VSTM2L: variants seen among roughly 807,000 people sequenced by gnomAD.
VSTM2L encodes the protein V-set and transmembrane domain containing 2 like.
Under a neutral mutation model 19.9 loss-of-function variants are expected in VSTM2L, and 9 were observed. The ratio of observed to expected loss-of-function variants is 0.45; its 90% CI spans 0.27 to 0.79. The LOEUF is 0.79. Among genes scored for constraint, VSTM2L ranks in the 30% least tolerant of loss-of-function variants. The pLI, the probability that VSTM2L is intolerant of heterozygous loss-of-function variation, is 0.15. For synonymous variants in VSTM2L, 127 were observed against 133.8 expected (o/e 0.95, Z 0.35); for missense variants, 286 against 295.5 (o/e 0.97, Z 0.24).
Position 37,944,149 on chromosome 20 carries a change from C to A in VSTM2L, c.511C>A (p.Leu171Met). ...GGTGCAGCCAGGGGAGAACTCCGTCCTGCATCTGCCCGAAGCCCCTCCCGC... is the reference window on the plus strand; with the variant it reads ...GGTGCAGCCAGGGGAGAACTCCGTCATGCATCTGCCCGAAGCCCCTCCCGC... ...LRVQPGENSV[L>M]HLPEAPPAAP... Residue 171 changes from leucine (L) to methionine (M), a missense_variant, in exon 4 of 4, where the codon CTG becomes ATG. Physicochemically the swap from Leu to Met is conservative, Grantham distance 15 (BLOSUM62 2). Coordinates refer to ENST00000373461, the MANE Select transcript of VSTM2L (RefSeq NM_080607.3). 1 of 1,600,134 alleles carries A rather than the reference C, an allele frequency of 6.2e-7. No homozygotes were observed.
At chr20:37,928,917 GAATTAA>G (rs1555840900) in intron 1 of VSTM2L, among the ~76,000 whole-genome samples, 9 of 152,174 alleles carry the variant, frequency 5.9e-5, no homozygotes, top group Non-Finnish European at 1.3e-4. Flanking sequence ...ATGTTTACAT[GAATTAA>G]AATTAAATAA....
intron 1 of VSTM2L, among the ~76,000 whole-genome samples, chr20:37,925,790 C>T (rs1048935302): frequency 5.9e-4 from 90 of 152,274 alleles, no homozygotes; most frequent in African/African-American, 2.0e-3. Flanking sequence ...GGTGGCCACA[C>T]CCACAGCTAA....
At chr20:37,922,553 T>G (rs1489640868) in intron 1 of VSTM2L, among the ~76,000 whole-genome samples, 1 of 152,064 alleles carries the variant, frequency 6.6e-6, no homozygotes, top group Non-Finnish European at 1.5e-5. Context: ...TTTTCCTGAA[T>G]AGAGCTGCCC....
intron 1 of VSTM2L, among the ~76,000 whole-genome samples, chr20:37,927,324 T>C (rs2072884291): frequency 1.3e-5 from 2 of 152,248 alleles, no homozygotes; most frequent in African/African-American, 4.8e-5. Flanking sequence ...TTAAATAAAA[T>C]ACATTATTAA....
chr20:37,921,838 CTTTTT>C (rs756122087), intron 1 of VSTM2L, among the ~76,000 whole-genome samples: 1 of 91,784 alleles, frequency 1.1e-5, no homozygotes, highest in African/African-American at 5.2e-5. Flanking sequence ...CTTTCTTTTC[CTTTTT>C]TTTTTTTTTT....
Position 37,903,294 on chromosome 20 carries a change from C to T in VSTM2L, c.-57C>T, listed in dbSNP as rs2072731602. 3.0e-6 allele frequency: 4 copies of T among 1,349,234 alleles called. No individual in the cohort carries two copies. The highest frequency in any genetic ancestry group is 3.8e-6 in the Non-Finnish European group (4 of 1,056,576). The allele number at this position is 1,349,234 out of a possible 1,614,324, so 83.6% of individuals were successfully genotyped here. On this transcript the variant is annotated 5_prime_UTR_variant, in exon 1 of 4. Coordinates refer to ENST00000373461, the MANE Select transcript of VSTM2L (RefSeq NM_080607.3). ...GGGCAGGGGACAGCTGGCGCCGGTT[C>T]TGCGGTCTCCGGGGCCCAGATGTGA...
intron 1 of VSTM2L, among the ~76,000 whole-genome samples, chr20:37,920,917 G>C (rs6021881): frequency 0.087 from 7,625 of 87,440 alleles, 228 homozygotes; most frequent in South Asian, 0.14. Flanking sequence ...TTGATTGATT[G>C]ATTCATTCAT....
rs868019892 is a variant in VSTM2L, at chr20:37,910,523, C to T, written c.121+7052C>T. ...CTGTCATGTGCCAGGCTCTTTTAGC[C>T]ACTGGGAACTTATCAGTGAAGAAGA... On this transcript the variant is annotated intron_variant, in intron 1 of 3. Coordinates refer to ENST00000373461, the MANE Select transcript of VSTM2L (RefSeq NM_080607.3). Among the ~76,000 whole-genome samples, 5 of 152,300 alleles carry T rather than the reference C, an allele frequency of 3.3e-5. No homozygotes were observed. In the Middle Eastern group the frequency reaches 0.014, roughly 414 times the overall value.
At chr20:37,912,524 G>C (rs567165947) in intron 1 of VSTM2L, among the ~76,000 whole-genome samples, 1 of 152,298 alleles carries the variant, frequency 6.6e-6, no homozygotes, top group Non-Finnish European at 1.5e-5. Flanking sequence ...GTGTCTGGGG[G>C]GTGACTGTGT....
At chr20:37,921,265 G>A (rs1427373656) in intron 1 of VSTM2L, among the ~76,000 whole-genome samples, 1 of 152,118 alleles carries the variant, frequency 6.6e-6, no homozygotes, top group Admixed American at 6.5e-5. Flanking sequence ...GTGTCCTTAG[G>A]GGGACACATG....
At position 37,906,316 on chromosome 20, in the gene VSTM2L, G is replaced by A. The variant is rs565793561; in HGVS notation, c.121+2845G>A. 2.6e-5 allele frequency among the ~76,000 whole-genome samples: 4 copies of A among 152,310 alleles called. No homozygotes were observed. The South Asian group carries it at 8.3e-4, about 32-fold the overall frequency. On this transcript the variant is annotated intron_variant, in intron 1 of 3. Coordinates refer to ENST00000373461, the MANE Select transcript of VSTM2L (RefSeq NM_080607.3). ...TTTTCGAGGTGTGAGGAATGAATGG[G>A]GAGCATGTATCTCAAGGAGGCATCA... is the stretch of plus-strand genomic sequence containing the variant.
At position 37,943,154 on chromosome 20, in the gene VSTM2L, G is replaced by A. The variant is rs543163344; in HGVS notation, c.343-827G>A. On this transcript the variant is annotated intron_variant, in intron 3 of 3. Coordinates refer to ENST00000373461, the MANE Select transcript of VSTM2L (RefSeq NM_080607.3). ...CCGGCTAGTTTTTGTATTTTTAGTA[G>A]AGATGGGGTTTCCCCATGTTGCCCA... Among the ~76,000 whole-genome samples, 6 of 152,200 alleles carry A rather than the reference G, an allele frequency of 3.9e-5. No homozygotes were observed. In the South Asian group the frequency reaches 1.0e-3, roughly 26 times the overall value.
chr20:37,932,638 T>C (rs1254325927), intron 2 of VSTM2L, among the ~76,000 whole-genome samples: 2 of 152,038 alleles, frequency 1.3e-5, no homozygotes, highest in East Asian at 3.9e-4. Flanking sequence ...ACCAACAACA[T>C]ACCCCCCATT....
chr20:37,923,665 A>G (rs2072864612), intron 1 of VSTM2L, among the ~76,000 whole-genome samples: 1 of 152,158 alleles, frequency 6.6e-6, no homozygotes, highest in Non-Finnish European at 1.5e-5. Context: ...GGGTAAGTCA[A>G]AGAGGAGAGA....
At chr20:37,927,350 C>T (rs561300339) in intron 1 of VSTM2L, among the ~76,000 whole-genome samples, 5 of 151,694 alleles carry the variant, frequency 3.3e-5, no homozygotes, top group South Asian at 2.1e-4. Context: ...ATTAATTTCA[C>T]GTGTTTTTTT....
chr20:37,945,085 C>T lies in VSTM2L; in HGVS notation c.*832C>T. ...TCCTGTGCCAAGTCCGCCCCAGGGC[C>T]TGGGGCTGTTGGGAGCCAAGGGCCC... On this transcript the variant is annotated 3_prime_UTR_variant, in exon 4 of 4. Transcript: ENST00000373461. The T allele has an allele frequency of 1.0e-6, 1 of 985,838 alleles. No homozygotes were observed. The highest frequency in any genetic ancestry group is 1.2e-6 in the Non-Finnish European group (1 of 829,934). The allele number at this position is 985,838 out of a possible 1,614,324, so 61.1% of individuals were successfully genotyped here.
chr20:37,910,642 G>T (rs778716075), intron 1 of VSTM2L, among the ~76,000 whole-genome samples: 1 of 152,004 alleles, frequency 6.6e-6, no homozygotes, highest in African/African-American at 2.4e-5. Context: ...AGCTGGGTGC[G>T]GTGGCTCACA....
intron 1 of VSTM2L, among the ~76,000 whole-genome samples, chr20:37,919,821 C>A (rs886940988): frequency 3.3e-5 from 5 of 150,496 alleles, no homozygotes; most frequent in Non-Finnish European, 7.3e-5. Flanking sequence ...AGGCTGAACT[C>A]TAACTTGTCC....
intron 1 of VSTM2L, among the ~76,000 whole-genome samples, chr20:37,923,947 G>A (rs1321204623): frequency 6.6e-6 from 1 of 152,214 alleles, no homozygotes; most frequent in Non-Finnish European, 1.5e-5. Flanking sequence ...TGTATGTAAA[G>A]AGCTTGCACC....
Sources: allele counts gnomAD v4.1 joint callset (sites outside exome capture counted in the v4.1 genomes callset), GRCh38; gene constraint gnomAD v4.1.1; transcripts MANE v1.5; gene names NCBI Gene and HGNC (gene_info 2026-07-23, HGNC 2026-07-21).